CCSER1: variants seen among roughly 807,000 people sequenced by gnomAD.
The protein encoded by CCSER1 is serine-rich coiled-coil domain-containing protein 1.
In CCSER1, 41 loss-of-function variants were observed where a neutral mutation model predicts 82.0. The observed-to-expected ratio is 0.50, with a 90% CI of 0.39 to 0.65. The LOEUF (loss-of-function observed/expected upper bound fraction) is 0.65, where lower values mean the gene tolerates loss of function less well. Ranked by LOEUF, CCSER1 falls within the 30% of genes least tolerant of loss-of-function variation. The probability of loss-of-function intolerance (pLI) is 0.00; values close to 1 mark genes in which losing one functional copy is unlikely to be tolerated. For missense variants in CCSER1, 1,119 were observed against 1,064.2 expected (o/e 1.05, Z -0.72); for synonymous variants, 414 against 383.9 (o/e 1.08, Z -0.92).
chr4:91,035,953 T>C (rs1300328477), intron 9 of CCSER1, among the ~76,000 whole-genome samples: 2 of 152,202 alleles, frequency 1.3e-5, no homozygotes, highest in East Asian at 3.8e-4. Context: ...TGGCTGGCTA[T>C]TCTAGTAGTT....
chr4:90,400,051 T>G lies in CCSER1; in HGVS notation c.1525T>G (p.Leu509Val). Residue 509 changes from leucine (L) to valine (V), a missense_variant, in exon 4 of 11, where the codon TTG becomes GTG. Coordinates refer to ENST00000509176, the MANE Select transcript of CCSER1 (RefSeq NM_001145065.2). Reference sequence around the variant, plus strand: ...TTTTCTTCAGGATGTTTTGAATAATTTGGGATCTTGTGAACTGGATGAAGA... The same window carrying G: ...TTTTCTTCAGGATGTTTTGAATAATGTGGGATCTTGTGAACTGGATGAAGA... ...KMNSLDVLNN[L>V]GSCELDEDDL... 4 of 1,601,970 alleles carry G rather than the reference T, an allele frequency of 2.5e-6. No individual in the cohort carries two copies. The highest frequency in any genetic ancestry group is 1.1e-5 in the South Asian group (1 of 90,188).
chr4:91,144,366 C>A (rs1729345793), intron 10 of CCSER1, among the ~76,000 whole-genome samples: 1 of 151,790 alleles, frequency 6.6e-6, no homozygotes, highest in Admixed American at 6.6e-5. Flanking sequence ...CTCTGTGAGT[C>A]TAGATAACAT....
At chr4:90,665,521 C>T (rs1331026514) in intron 6 of CCSER1, among the ~76,000 whole-genome samples, 1 of 152,040 alleles carries the variant, frequency 6.6e-6, no homozygotes, top group Non-Finnish European at 1.5e-5. Flanking sequence ...TGAGGTTTCA[C>T]TGTGTTAGCC....
chr4:90,699,352 C>T (rs1013329537), intron 6 of CCSER1, among the ~76,000 whole-genome samples: 1 of 152,122 alleles, frequency 6.6e-6, no homozygotes, highest in Admixed American at 6.6e-5. Flanking sequence ...GTAATCCCAG[C>T]TACTCAGAAG....
intron 8 of CCSER1, among the ~76,000 whole-genome samples, chr4:90,915,698 T>C (rs897528663): frequency 5.0e-4 from 70 of 138,772 alleles, no homozygotes; most frequent in Non-Finnish European, 8.1e-4. Flanking sequence ...TAAAGGGTAT[T>C]CAATTAGGAA....
At chr4:91,173,996 T>C (rs368130185) in intron 10 of CCSER1, among the ~76,000 whole-genome samples, 23 of 152,272 alleles carry the variant, frequency 1.5e-4, no homozygotes, top group African/African-American at 5.5e-4. Flanking sequence ...TTTACATAAG[T>C]ACACATATCT....
chr4:91,287,215 A>G (rs1430181781), intron 10 of CCSER1, among the ~76,000 whole-genome samples: 2 of 151,930 alleles, frequency 1.3e-5, no homozygotes, highest in East Asian at 3.9e-4. Flanking sequence ...AAGTCAGGAA[A>G]ACAATGTATT....
At chr4:90,968,984 A>T (rs1373316768) in intron 9 of CCSER1, among the ~76,000 whole-genome samples, 1 of 151,878 alleles carries the variant, frequency 6.6e-6, no homozygotes, top group Non-Finnish European at 1.5e-5. Context: ...GAAATTATTT[A>T]AAAAAACAAA....
At chr4:91,255,627 C>G (rs907701024) in intron 10 of CCSER1, among the ~76,000 whole-genome samples, 4 of 152,168 alleles carry the variant, frequency 2.6e-5, no homozygotes, top group Non-Finnish European at 5.9e-5. Context: ...GAGGGACCTG[C>G]TGAAGCTGTG....
At chr4:91,109,805 C>T (rs1175580629) in intron 10 of CCSER1, among the ~76,000 whole-genome samples, 1 of 151,848 alleles carries the variant, frequency 6.6e-6, no homozygotes, top group Non-Finnish European at 1.5e-5. Flanking sequence ...AATAAAACTG[C>T]TAAGATTTAG....
intron 3 of CCSER1, among the ~76,000 whole-genome samples, chr4:90,347,101 T>A (rs546214245): frequency 3.3e-4 from 51 of 152,282 alleles, no homozygotes; most frequent in Non-Finnish European, 6.3e-4. Context: ...TAACTTAATT[T>A]TATATTCCTG....
chr4:91,059,157 T>C (rs1023173464), intron 9 of CCSER1, among the ~76,000 whole-genome samples: 12 of 151,980 alleles, frequency 7.9e-5, no homozygotes, highest in Non-Finnish European at 1.6e-4. Flanking sequence ...AACATACTTT[T>C]ATTTTGTGTC....
At chr4:90,497,863 T>A (rs1769273754) in intron 5 of CCSER1, among the ~76,000 whole-genome samples, 2 of 152,108 alleles carry the variant, frequency 1.3e-5, no homozygotes, top group Admixed American at 1.3e-4. Context: ...GTCTCCTAAA[T>A]CTGGCATCAG....
intron 5 of CCSER1, among the ~76,000 whole-genome samples, chr4:90,476,236 A>G (rs1295197954): frequency 6.6e-6 from 1 of 152,158 alleles, no homozygotes; most frequent in African/African-American, 2.4e-5. Flanking sequence ...TCCGCCTTAC[A>G]TAAGATGCAT....
intron 10 of CCSER1, among the ~76,000 whole-genome samples, chr4:91,177,317 G>A (rs555561719): frequency 1.3e-5 from 2 of 152,302 alleles, no homozygotes; most frequent in African/African-American, 4.8e-5. Flanking sequence ...TTGGTATCAG[G>A]ATGATGCTGG....
At chr4:90,668,673 C>T (rs1732243622) in intron 6 of CCSER1, among the ~76,000 whole-genome samples, 1 of 151,820 alleles carries the variant, frequency 6.6e-6, no homozygotes, top group South Asian at 2.1e-4. Flanking sequence ...GTTAAATATT[C>T]CTTGAGAGAT....
At chr4:91,265,929 A>G (rs1741534870) in intron 10 of CCSER1, among the ~76,000 whole-genome samples, 1 of 152,162 alleles carries the variant, frequency 6.6e-6, no homozygotes, top group South Asian at 2.1e-4. Flanking sequence ...AGGCCTTACA[A>G]TCATGAGGGA....
At chr4:90,384,862 T>A (rs1749766177) in intron 3 of CCSER1, among the ~76,000 whole-genome samples, 1 of 152,214 alleles carries the variant, frequency 6.6e-6, no homozygotes, top group African/African-American at 2.4e-5. Context: ...ACCCAGTAGA[T>A]AATTCTTCAA....
chr4:90,867,301 G>A (rs893348674), intron 8 of CCSER1, among the ~76,000 whole-genome samples: 1 of 151,566 alleles, frequency 6.6e-6, no homozygotes, highest in African/African-American at 2.4e-5. Flanking sequence ...TTCTCAGAAG[G>A]GAATAAAGAA....
Sources: gnomAD v4.1 joint callset for allele counts (sites outside exome capture counted in the v4.1 genomes callset) on GRCh38, gnomAD v4.1.1 for gene constraint, MANE v1.5 for transcripts, NCBI Gene and HGNC (gene_info 2026-07-23, HGNC 2026-07-21) for gene names.